The following TEX29 variants were observed in gnomAD, a reference collection of about 807,000 sequenced individuals.
The protein encoded by TEX29 is testis-expressed protein 29.
In TEX29, 26 loss-of-function variants were observed where a neutral mutation model predicts 18.2. That is an observed-to-expected ratio of 1.43 (90% CI 1.04 to 1.98). TEX29 has a LOEUF of 1.98. Among genes scored for constraint, TEX29 ranks in the 30% most tolerant of loss-of-function variants. The pLI is 0.00. For missense variants in TEX29, 177 were observed against 194.2 expected (o/e 0.91, Z 0.53); for synonymous variants, 83 against 78.5 (o/e 1.06, Z -0.31).
chr13:111,336,402 A>C (rs79952307), intron 3 of TEX29, among the ~76,000 whole-genome samples: 348 of 152,370 alleles, frequency 2.3e-3, no homozygotes, highest in Non-Finnish European at 3.5e-3. Context: ...CTTTGTGCAC[A>C]TAATTCCATG....
chr13:111,318,367 C>T (rs1259297837), upstream of TEX29, among the ~76,000 whole-genome samples: 1 of 152,212 alleles, frequency 6.6e-6, no homozygotes, highest in African/African-American at 2.4e-5. Flanking sequence ...TTGTGTCTGT[C>T]AGTGTAGTCA....
upstream of TEX29, among the ~76,000 whole-genome samples, chr13:111,317,896 C>A (rs1399538878): frequency 1.3e-5 from 2 of 152,232 alleles, no homozygotes; most frequent in Non-Finnish European, 2.9e-5. Context: ...GCACTTGACA[C>A]CCTCCCGGTG....
chr13:111,328,808 C>T (rs1048609727), intron 3 of TEX29, among the ~76,000 whole-genome samples: 3 of 152,140 alleles, frequency 2.0e-5, no homozygotes, highest in African/African-American at 4.8e-5. Flanking sequence ...TGCTGGAAGC[C>T]CCTCAAGCAG....
At chr13:111,338,336 C>T (rs1481099445) in intron 3 of TEX29, among the ~76,000 whole-genome samples, 1 of 152,156 alleles carries the variant, frequency 6.6e-6, no homozygotes, top group Non-Finnish European at 1.5e-5. Flanking sequence ...GGAAAGACAG[C>T]CACGTGACAA....
At chr13:111,339,313 T>C (rs1440331610) in intron 3 of TEX29, 1 of 454,706 alleles carries the variant, frequency 2.2e-6, no homozygotes, top group Non-Finnish European at 4.4e-6. Context: ...GGAATTGACC[T>C]GGGCATTGAG....
intron 3 of TEX29, among the ~76,000 whole-genome samples, chr13:111,333,406 A>G (rs1017199719): frequency 3.9e-5 from 6 of 152,162 alleles, no homozygotes; most frequent in African/African-American, 1.2e-4. Flanking sequence ...TTTCTTGGTT[A>G]TATTTTCTTC....
intron 3 of TEX29, among the ~76,000 whole-genome samples, chr13:111,339,598 T>C (rs1418750572): frequency 6.6e-6 from 1 of 151,898 alleles, no homozygotes; most frequent in Non-Finnish European, 1.5e-5. Flanking sequence ...GGGGTCAGGG[T>C]GGTCACAAGG....
intron 3 of TEX29, among the ~76,000 whole-genome samples, chr13:111,333,812 G>A (rs2093685983): frequency 2.0e-5 from 3 of 152,136 alleles, no homozygotes; most frequent in African/African-American, 7.2e-5. Context: ...TTAAACCATC[G>A]GATCTTGTGA....
At chr13:111,332,211 T>C (rs529817312) in intron 3 of TEX29, among the ~76,000 whole-genome samples, 57 of 152,222 alleles carry the variant, frequency 3.7e-4, no homozygotes, top group Non-Finnish European at 7.6e-4. Flanking sequence ...ATTTCGGTCT[T>C]TAATTTTTTT....
chr13:111,325,502 G>A (rs1026573965), intron 2 of TEX29, among the ~76,000 whole-genome samples: 2 of 152,346 alleles, frequency 1.3e-5, no homozygotes, highest in East Asian at 1.9e-4. Flanking sequence ...AGCCCACCTC[G>A]GCCCCCTTGG....
chr13:111,327,275 G>A (rs1192511904), intron 2 of TEX29, among the ~76,000 whole-genome samples: 1 of 152,228 alleles, frequency 6.6e-6, no homozygotes, highest in Non-Finnish European at 1.5e-5. Context: ...ACCTGGAATG[G>A]GGGTGTCTTG....
chr13:111,336,116 C>CT (rs1338995247), intron 3 of TEX29, among the ~76,000 whole-genome samples: 1 of 152,206 alleles, frequency 6.6e-6, no homozygotes. Flanking sequence ...AGAGGGCTCA[C>CT]TGTTTTGCAA....
chr13:111,337,495 G>A (rs1158441959), intron 3 of TEX29, among the ~76,000 whole-genome samples: 1 of 152,032 alleles, frequency 6.6e-6, no homozygotes, highest in African/African-American at 2.4e-5. Flanking sequence ...GAGAGATCAG[G>A]GCAGAAGCTG....
At chr13:111,322,145 G>A (rs576912901) in intron 2 of TEX29, among the ~76,000 whole-genome samples, 1 of 152,320 alleles carries the variant, frequency 6.6e-6, no homozygotes, top group African/African-American at 2.4e-5. Flanking sequence ...AGACTGCGAG[G>A]CCTTCCAAGG....
chr13:111,324,114 C>T (rs971973937), intron 2 of TEX29, among the ~76,000 whole-genome samples: 1 of 152,204 alleles, frequency 6.6e-6, no homozygotes, highest in Admixed American at 6.5e-5. Context: ...CCTGGGGGTG[C>T]TGGTGGCAAT....
chr13:111,317,528 G>A (rs2093656562), upstream of TEX29, among the ~76,000 whole-genome samples: 1 of 152,180 alleles, frequency 6.6e-6, no homozygotes, highest in Non-Finnish European at 1.5e-5. Flanking sequence ...CGGCCTTCGT[G>A]TTGTTTTATT....
chr13:111,319,026 G>A (rs1015139334), upstream of TEX29, among the ~76,000 whole-genome samples: 15 of 152,156 alleles, frequency 9.9e-5, no homozygotes, highest in African/African-American at 3.4e-4. Context: ...GAAGAGGCGA[G>A]GGAGCTCTCT....
At chr13:111,321,436 G>A (rs182425511) in intron 2 of TEX29, among the ~76,000 whole-genome samples, 3 of 152,294 alleles carry the variant, frequency 2.0e-5, no homozygotes, top group East Asian at 1.9e-4. Flanking sequence ...CACAGGTGCC[G>A]TTAATGTGCA....
rs530751551 is a variant in TEX29, at chr13:111,343,032, C to T, written c.415+101C>T. 468 of 1,369,732 alleles carry T rather than the reference C, an allele frequency of 3.4e-4. 2 individuals are homozygous for T. The East Asian group carries it at 6.4e-3, about 19-fold the overall frequency. 84.8% of individuals were successfully genotyped at this position (1,369,732 alleles called of 1,614,324 possible). On this transcript the variant is annotated intron_variant, in intron 5 of 5. Transcript: ENST00000283547. ...AAGGGGCTCAACATCTACACAGGCC[C>T]TTCAACCTCAGTGATCAGTGTTGCA...
Sources: gnomAD v4.1 joint callset for allele counts (sites outside exome capture counted in the v4.1 genomes callset) on GRCh38, gnomAD v4.1.1 for gene constraint, MANE v1.5 for transcripts, NCBI Gene and HGNC (gene_info 2026-07-23, HGNC 2026-07-21) for gene names.